DROSHA: variants seen among roughly 807,000 people sequenced by gnomAD.
DROSHA encodes the protein drosha ribonuclease III.
A neutral mutation model predicts 181.9 loss-of-function variants in DROSHA; 56 were observed. The ratio of observed to expected loss-of-function variants is 0.31; its 90% CI spans 0.25 to 0.38. DROSHA has a LOEUF of 0.38. Ranked by LOEUF, DROSHA falls within the 10% of genes least tolerant of loss-of-function variation. DROSHA has a pLI of 1.00. For synonymous variants in DROSHA, 524 were observed against 591.2 expected (o/e 0.89, Z 1.65); for missense variants, 1,218 against 1,743.5 (o/e 0.70, Z 5.37).
At chr5:31,461,891 A>G (rs1432166720) in intron 20 of DROSHA, among the ~76,000 whole-genome samples, 1 of 152,100 alleles carries the variant, frequency 6.6e-6, no homozygotes, top group African/African-American at 2.4e-5. Flanking sequence ...CACAACCCCA[A>G]GAATATTCAC....
At chr5:31,443,176 T>C (rs1745824024) in intron 23 of DROSHA, among the ~76,000 whole-genome samples, 2 of 151,622 alleles carry the variant, frequency 1.3e-5, no homozygotes, top group African/African-American at 2.4e-5. Context: ...GCCACCACCA[T>C]GTCTCGCTGA....
chr5:31,472,210 G>A lies in DROSHA; in HGVS notation c.2094C>T (p.Ser698=). ...FLPDGGKEVL[S]MHQILLYLLR... is the part of the protein sequence containing the mutation. ...ACAAGTACAGGAGAATCTGGTGCATGGACAGCACTTCCTTTCCTCCATCTT... is the reference window on the plus strand; with the variant it reads ...ACAAGTACAGGAGAATCTGGTGCATAGACAGCACTTCCTTTCCTCCATCTT... Residue 698 remains serine, a synonymous_variant, in exon 17 of 36, where the codon TCC becomes TCT. Coordinates refer to ENST00000344624, the MANE Select transcript of DROSHA (RefSeq NM_001382508.1). 1 of 1,609,912 alleles carries A rather than the reference G, an allele frequency of 6.2e-7. No homozygotes were observed. The highest frequency in any genetic ancestry group is 8.5e-7 in the Non-Finnish European group (1 of 1,177,896).
chr5:31,418,067 C>T (rs1742165123), intron 30 of DROSHA, among the ~76,000 whole-genome samples: 1 of 152,158 alleles, frequency 6.6e-6, no homozygotes, highest in Admixed American at 6.5e-5. Flanking sequence ...CACCTGGGGA[C>T]TCCAGCAGCC....
intron 30 of DROSHA, among the ~76,000 whole-genome samples, chr5:31,413,994 G>A (rs540271708): frequency 6.6e-6 from 1 of 152,324 alleles, no homozygotes; most frequent in East Asian, 1.9e-4. Context: ...AGTGAGAGAA[G>A]GGTGGGAAAG....
At chr5:31,416,338 C>T (rs534892298) in intron 30 of DROSHA, among the ~76,000 whole-genome samples, 149 of 152,354 alleles carry the variant, frequency 9.8e-4, no homozygotes, top group Non-Finnish European at 1.7e-3. Context: ...ACTGCCTCTT[C>T]CCTCTTGACT....
chr5:31,488,164 C>T (rs963610964), intron 13 of DROSHA, among the ~76,000 whole-genome samples: 6 of 152,066 alleles, frequency 3.9e-5, no homozygotes, highest in Non-Finnish European at 7.4e-5. Flanking sequence ...TGCCTGTAAT[C>T]CTAGCACTTT....
At chr5:31,444,376 G>T (rs1746007624) in intron 23 of DROSHA, among the ~76,000 whole-genome samples, 1 of 152,188 alleles carries the variant, frequency 6.6e-6, no homozygotes, top group African/African-American at 2.4e-5. Context: ...AAGGACAAGA[G>T]AGATTATTTG....
intron 20 of DROSHA, among the ~76,000 whole-genome samples, chr5:31,452,481 C>T (rs765838727): frequency 4.6e-5 from 7 of 152,112 alleles, no homozygotes; most frequent in Non-Finnish European, 8.8e-5. Context: ...TCATGGAAGT[C>T]ATATCTTTTT....
rs756648286 is a variant in DROSHA at position 31,411,503 on chromosome 5, A to C, written c.3526-616T>G. On this transcript the variant is annotated intron_variant, in intron 30 of 35. Coordinates refer to ENST00000344624, the MANE Select transcript of DROSHA (RefSeq NM_001382508.1). This position sits in a 1 kb window ranked among gnomAD's most constrained non-coding sequence, Gnocchi z 4.2. ...TCACGGCACTGATGCTAATTTTGAT[A>C]TTATAGGACTTAAGTGAGGTTTAAG... 7.2e-5 allele frequency among the ~76,000 whole-genome samples: 11 copies of C among 152,174 alleles called. No individual in the cohort carries two copies. Among genetic ancestry groups the C allele is most frequent in the Non-Finnish European group, 1.6e-4 (11 of 68,034 alleles).
chr5:31,512,056 T>C (rs1264545193), intron 8 of DROSHA, among the ~76,000 whole-genome samples: 1 of 151,794 alleles, frequency 6.6e-6, no homozygotes, highest in East Asian at 1.9e-4. Context: ...CTAGAGAAAA[T>C]TTTCCACTTT....
At chr5:31,526,014 TA>T in intron 5 of DROSHA, 64 bp downstream of exon 5, 1 of 1,451,782 alleles carries the variant, frequency 6.9e-7, no homozygotes, top group East Asian at 2.3e-5. Context: ...TTGGTTGTCA[TA>T]AATGGAGAAT....
At chr5:31,515,342 G>C in intron 7 of DROSHA, 112 bp downstream of exon 7, 1 of 1,172,170 alleles carries the variant, frequency 8.5e-7, no homozygotes, top group Non-Finnish European at 1.2e-6. Context: ...ATCACCGTGT[G>C]TACTTTTGTT....
chr5:31,486,889 C>G (rs571620271), intron 13 of DROSHA, among the ~76,000 whole-genome samples: 13 of 152,308 alleles, frequency 8.5e-5, no homozygotes, highest in African/African-American at 2.9e-4. Flanking sequence ...ATAAACATTT[C>G]TGTTTCTCAA....
chr5:31,501,186 TATCTGA>T (rs1255937288), intron 11 of DROSHA, among the ~76,000 whole-genome samples: 28 of 152,118 alleles, frequency 1.8e-4, no homozygotes, highest in Admixed American at 1.8e-3. Context: ...TTAGATGCAG[TATCTGA>T]ATCATCATTG....
intron 15 of DROSHA, among the ~76,000 whole-genome samples, chr5:31,484,403 A>T (rs1751479672): frequency 7.1e-6 from 1 of 140,230 alleles, no homozygotes; most frequent in African/African-American, 2.5e-5. Context: ...AAAAAAAAAA[A>T]AAAAAGAATA....
intron 26 of DROSHA, among the ~76,000 whole-genome samples, chr5:31,430,991 T>C (rs1029515484): frequency 2.6e-5 from 4 of 152,186 alleles, no homozygotes; most frequent in Non-Finnish European, 5.9e-5. Context: ...TTCATAACTT[T>C]CCTGTACCAA....
chr5:31,428,239 T>C (rs1352775723), intron 27 of DROSHA, among the ~76,000 whole-genome samples: 2 of 128,070 alleles, frequency 1.6e-5, no homozygotes, highest in Non-Finnish European at 3.1e-5. Flanking sequence ...ACACAGTGGA[T>C]TGGGGGATGC....
At chr5:31,481,257 G>C (rs969121184) in intron 16 of DROSHA, among the ~76,000 whole-genome samples, 1 of 151,838 alleles carries the variant, frequency 6.6e-6, no homozygotes, top group Non-Finnish European at 1.5e-5. Context: ...TTTTCAAAGG[G>C]GAGTCTAATG....
At chr5:31,476,781 G>A (rs559858939) in intron 16 of DROSHA, among the ~76,000 whole-genome samples, 9 of 152,250 alleles carry the variant, frequency 5.9e-5, no homozygotes, top group African/African-American at 2.2e-4. Flanking sequence ...CAGGGCATGG[G>A]CTATATCTCT....
Sources: gnomAD v4.1 joint callset for allele counts (sites outside exome capture counted in the v4.1 genomes callset) on GRCh38, gnomAD v4.1.1 for gene constraint, Gnocchi (gnomAD v3.1) non-coding constraint, MANE v1.5 for transcripts, NCBI Gene and HGNC (gene_info 2026-07-23, HGNC 2026-07-21) for gene names.